ADAMTS3: variants seen among roughly 807,000 people sequenced by gnomAD.
The protein encoded by ADAMTS3 is ADAM metallopeptidase with thrombospondin type 1 motif 3.
ADAMTS3 carries 73 observed loss-of-function variants against 129.0 expected under a neutral mutation model. That is an observed-to-expected ratio of 0.57 (90% CI 0.47 to 0.69). The LOEUF (loss-of-function observed/expected upper bound fraction) is 0.69. Ranked by LOEUF, ADAMTS3 falls within the 30% of genes least tolerant of loss-of-function variation. The probability of loss-of-function intolerance (pLI) is 0.00; values close to 1 mark genes in which losing one functional copy is unlikely to be tolerated. For synonymous variants in ADAMTS3, 477 were observed against 510.8 expected (o/e 0.93, Z 0.89); for missense variants, 1,457 against 1,514.5 (o/e 0.96, Z 0.63).
chr4:72,329,756 A>C (rs568494275), intron 5 of ADAMTS3, among the ~76,000 whole-genome samples: 119 of 152,156 alleles, frequency 7.8e-4, no homozygotes, highest in African/African-American at 2.8e-3. Context: ...TTCATGAAAA[A>C]AAAAAAAACG....
chr4:72,311,221 A>G (rs768315963), intron 13 of ADAMTS3, 40 bp from the exon 14 acceptor site: 14 of 1,573,038 alleles, frequency 8.9e-6, no homozygotes, highest in African/African-American at 1.4e-5. Flanking sequence ...TTTACATAAA[A>G]TGGAATGTTT....
intron 3 of ADAMTS3, among the ~76,000 whole-genome samples, chr4:72,515,007 C>T (rs1720424140): frequency 6.6e-6 from 1 of 152,010 alleles, no homozygotes; most frequent in Non-Finnish European, 1.5e-5. Flanking sequence ...CACAACAGTC[C>T]CCAGAGTGTA....
At chr4:72,344,227 G>A (rs1180498866) in intron 4 of ADAMTS3, among the ~76,000 whole-genome samples, 3 of 152,090 alleles carry the variant, frequency 2.0e-5, no homozygotes, top group Non-Finnish European at 4.4e-5. Flanking sequence ...GCTGATTATG[G>A]ACACTAAGGC....
Position 72,392,898 on chromosome 4 carries a change from A to G in ADAMTS3, c.661+21917T>C, listed in dbSNP as rs1241197124. Among the ~76,000 whole-genome samples the G allele has an allele frequency of 2.6e-5, 4 of 150,946 alleles. No individual in the cohort carries two copies. The East Asian group carries it at 7.9e-4, about 30-fold the overall frequency. ...CTTCAAAAGAGTATGAGTAAAAAAA[A>G]TTCTTCTACCCATCGGATTTTTTTT... On this transcript the variant is annotated intron_variant, in intron 4 of 21. Transcript: ENST00000286657.
chr4:72,316,041 T>C (rs1719387612), intron 10 of ADAMTS3, 70 bp from the exon 11 acceptor site: 1 of 869,322 alleles, frequency 1.2e-6, no homozygotes, highest in East Asian at 2.6e-5. Context: ...ATATATTCTA[T>C]ACAGTTTCTT....
intron 4 of ADAMTS3, among the ~76,000 whole-genome samples, chr4:72,413,331 G>T (rs1374349231): frequency 6.6e-6 from 1 of 151,876 alleles, no homozygotes. Flanking sequence ...TTTGAAAGAG[G>T]TATTAGGTAT....
chr4:72,316,705 A>AATAATG (rs1553905822), intron 10 of ADAMTS3, among the ~76,000 whole-genome samples: 1 of 150,738 alleles, frequency 6.6e-6, no homozygotes, highest in Non-Finnish European at 1.5e-5. Flanking sequence ...TAATAATAAT[A>AATAATG]ATAATAATAA....
chr4:72,432,282 G>A (rs1052888807), intron 3 of ADAMTS3, among the ~76,000 whole-genome samples: 3 of 151,830 alleles, frequency 2.0e-5, no homozygotes, highest in African/African-American at 4.8e-5. Flanking sequence ...GCCACATAAT[G>A]GGAGAAGAGA....
Position 72,283,031 on chromosome 4 carries a change from G to A in ADAMTS3, c.*105C>T, listed in dbSNP as rs923684193. The A allele has an allele frequency of 2.1e-6, 2 of 969,196 alleles. No homozygotes were observed. Among genetic ancestry groups the A allele is most frequent in the African/African-American group, 1.6e-5 (1 of 61,080 alleles). The allele number at this position is 969,196 out of a possible 1,614,324, so 60.0% of individuals were successfully genotyped here. On this transcript the variant is annotated 3_prime_UTR_variant, in exon 22 of 22. Transcript: ENST00000286657. ...GTTCTTCCAATTACAGATAAAATGA[G>A]CTGACGATCTATAGAGATTTCCACT...
intron 3 of ADAMTS3, among the ~76,000 whole-genome samples, chr4:72,535,704 C>T (rs1367848715): frequency 6.6e-6 from 1 of 152,102 alleles, no homozygotes; most frequent in African/African-American, 2.4e-5. Context: ...AAAACACCCA[C>T]TCCTTGCTGG....
chr4:72,520,129 AGCAGC>A (rs1720620152), intron 3 of ADAMTS3, among the ~76,000 whole-genome samples: 1 of 152,232 alleles, frequency 6.6e-6, no homozygotes, highest in Non-Finnish European at 1.5e-5. Context: ...CCTGGGTATC[AGCAGC>A]GGTGGCTGCA....
chr4:72,376,526 G>A (rs1721137162), intron 4 of ADAMTS3, among the ~76,000 whole-genome samples: 1 of 152,126 alleles, frequency 6.6e-6, no homozygotes, highest in Admixed American at 6.5e-5. Context: ...ACTGACCTGT[G>A]AGTTTCTAAT....
At chr4:72,405,039 AT>A (rs1280032191) in intron 4 of ADAMTS3, among the ~76,000 whole-genome samples, 2 of 152,096 alleles carry the variant, frequency 1.3e-5, no homozygotes, top group Non-Finnish European at 2.9e-5. Flanking sequence ...GGTAAGAAAA[AT>A]AAGTATTGAG....
intron 3 of ADAMTS3, among the ~76,000 whole-genome samples, chr4:72,542,453 T>A (rs566329439): frequency 6.6e-6 from 1 of 152,182 alleles, no homozygotes; most frequent in Admixed American, 6.5e-5. Flanking sequence ...CATGAGCCAC[T>A]GCGCCCGGCC....
intron 3 of ADAMTS3, among the ~76,000 whole-genome samples, chr4:72,502,160 A>G: frequency 6.6e-6 from 1 of 152,012 alleles, no homozygotes; most frequent in Admixed American, 6.6e-5. Context: ...CCTCCTCCTC[A>G]ATTTTTTGGA....
intron 3 of ADAMTS3, among the ~76,000 whole-genome samples, chr4:72,478,451 A>G (rs1468428385): frequency 4.4e-5 from 4 of 90,796 alleles, no homozygotes; most frequent in Non-Finnish European, 6.5e-5. Context: ...CCACATGATT[A>G]TCTCAATAGA....
intron 3 of ADAMTS3, among the ~76,000 whole-genome samples, chr4:72,475,812 T>C (rs1362987528): frequency 6.6e-6 from 1 of 151,898 alleles, no homozygotes; most frequent in Non-Finnish European, 1.5e-5. Flanking sequence ...TCTCTGACTA[T>C]AACAGAATCA....
chr4:72,485,212 T>A (rs900845982), intron 3 of ADAMTS3, among the ~76,000 whole-genome samples: 3 of 152,204 alleles, frequency 2.0e-5, no homozygotes, highest in African/African-American at 4.8e-5. Flanking sequence ...TTCCAGAATT[T>A]ATCCACATAT....
chr4:72,371,305 TA>T (rs567523335), intron 4 of ADAMTS3, among the ~76,000 whole-genome samples: 13 of 151,630 alleles, frequency 8.6e-5, no homozygotes, highest in Admixed American at 2.6e-4. Flanking sequence ...ATATTTGAAT[TA>T]AAAAAAAGAC....
Sources: allele counts gnomAD v4.1 joint callset (sites outside exome capture counted in the v4.1 genomes callset), GRCh38; gene constraint gnomAD v4.1.1; transcripts MANE v1.5; gene names NCBI Gene and HGNC (gene_info 2026-07-23, HGNC 2026-07-21).